Variants in MYO18B observed in about 807,000 individuals in gnomAD.
MYO18B encodes unconventional myosin-XVIIIb.
Under a neutral mutation model 273.0 loss-of-function variants are expected in MYO18B, and 204 were observed. That is an observed-to-expected ratio of 0.75 (90% CI 0.67 to 0.84). The LOEUF is 0.84. Among genes scored for constraint, MYO18B ranks in the 40% least tolerant of loss-of-function variants. MYO18B has a pLI of 0.00. For synonymous variants in MYO18B, 1,330 were observed against 1,305.7 expected (o/e 1.02, Z -0.40); for missense variants, 3,212 against 3,287.6 (o/e 0.98, Z 0.56).
intron 1 of MYO18B, among the ~76,000 whole-genome samples, chr22:25,756,140 T>C (rs934229434): frequency 1.5e-4 from 23 of 152,210 alleles, no homozygotes; most frequent in Admixed American, 1.3e-3. Context: ...GTGATCCGCC[T>C]GCCTCAGCCT....
At chr22:25,851,327 T>A (rs978692632) in intron 20 of MYO18B, 143 bp from the exon 21 acceptor site, 2 of 617,824 alleles carry the variant, frequency 3.2e-6, no homozygotes, top group Non-Finnish European at 5.8e-6. Context: ...GAAACTAAGG[T>A]CCCAAGAGAT....
the MYO18B span, among the ~76,000 whole-genome samples, chr22:26,059,593 G>A: frequency 0.17 from 26,426 of 152,066 alleles, 4,183 homozygotes; most frequent in African/African-American, 0.43. Flanking sequence ...GAAAGAGGAC[G>A]GTGTCTTCCT....
chr22:25,835,215 C>G, intron 16 of MYO18B, 81 bp from the exon 17 acceptor site: 7 of 1,488,154 alleles, frequency 4.7e-6, no homozygotes, highest in Non-Finnish European at 6.3e-6. Context: ...TGCTCTCATT[C>G]CCTATCGGTG....
intron 13 of MYO18B, among the ~76,000 whole-genome samples, chr22:25,824,988 G>A (rs937813932): frequency 3.3e-5 from 5 of 151,518 alleles, no homozygotes; most frequent in Non-Finnish European, 5.9e-5. Context: ...AGATATGCGT[G>A]GCACATGTAT....
chr22:26,029,251 G>A (rs928377982), intron 43 of MYO18B, among the ~76,000 whole-genome samples: 2 of 152,148 alleles, frequency 1.3e-5, no homozygotes, highest in Non-Finnish European at 2.9e-5. Flanking sequence ...ATGGTCCAGC[G>A]ACTGCACATG....
At chr22:25,785,032 A>C (rs2087322452) in intron 10 of MYO18B, among the ~76,000 whole-genome samples, 1 of 152,098 alleles carries the variant, frequency 6.6e-6, no homozygotes, top group African/African-American at 2.4e-5. Flanking sequence ...TGGAAATAAT[A>C]TTTGTACCCA....
intron 11 of MYO18B, among the ~76,000 whole-genome samples, chr22:25,795,992 A>G (rs972655470): frequency 6.6e-6 from 1 of 152,188 alleles, no homozygotes; most frequent in African/African-American, 2.4e-5. Flanking sequence ...TGCAAAATTC[A>G]AAGACTTGCT....
intron 42 of MYO18B, among the ~76,000 whole-genome samples, chr22:26,017,779 A>C (rs1762593351): frequency 6.6e-6 from 1 of 152,188 alleles, no homozygotes; most frequent in African/African-American, 2.4e-5. Context: ...TCTTTTAAGA[A>C]AAATAATAGA....
chr22:25,838,074 G>T (rs1374829816), intron 17 of MYO18B, among the ~76,000 whole-genome samples: 1 of 151,740 alleles, frequency 6.6e-6, no homozygotes, highest in Non-Finnish European at 1.5e-5. Context: ...CCCAGAAAAT[G>T]TTTTAATTTC....
At chr22:25,797,845 TAAAATGACC>T in intron 11 of MYO18B, 99 bp from the exon 12 acceptor site, 1 of 1,495,592 alleles carries the variant, frequency 6.7e-7, no homozygotes, top group Non-Finnish European at 9.3e-7. Flanking sequence ...ATTGTGGCAA[TAAAATGACC>T]CCCGCATTCC....
intron 12 of MYO18B, among the ~76,000 whole-genome samples, chr22:25,805,068 C>A (rs1321008341): frequency 2.0e-5 from 3 of 152,156 alleles, no homozygotes; most frequent in Non-Finnish European, 4.4e-5. Context: ...TCCCTCACTC[C>A]TCATGTACAG....
chr22:26,034,275 CTG>C (rs1389267519), downstream of MYO18B, among the ~76,000 whole-genome samples: 3 of 152,218 alleles, frequency 2.0e-5, no homozygotes, highest in Non-Finnish European at 2.9e-5. Flanking sequence ...TCATCCAAGT[CTG>C]TGACACTACC....
Position 25,895,241 on chromosome 22 carries a change from G to T in MYO18B, c.4629G>T (p.Leu1543=). 1 of 1,607,372 alleles carries T rather than the reference G, an allele frequency of 6.2e-7. No individual in the cohort carries two copies. ...RKRLQQCEER[L]DSELTARKEL... is the part of the protein sequence containing the mutation. The stretch of plus-strand genomic sequence containing the variant: ...GTCTGCAGCAATGCGAGGAGAGGCT[G>T]GACTCGGAGCTGACAGCCAGGAAAG... Residue 1543 remains leucine, a synonymous_variant, in exon 28 of 44, where the codon CTG becomes CTT. Transcript: ENST00000335473.
At chr22:25,964,328 A>G (rs2092953631) in intron 39 of MYO18B, 1 of 152,214 alleles carries the variant, frequency 6.6e-6, no homozygotes, top group Non-Finnish European at 1.5e-5. Flanking sequence ...TTTTATCATT[A>G]AAGAAACTAA....
the MYO18B span, among the ~76,000 whole-genome samples, chr22:26,038,778 C>T: frequency 6.6e-6 from 1 of 152,186 alleles, no homozygotes; most frequent in South Asian, 2.1e-4. Context: ...GACCTTGTAT[C>T]TTATCTTTCC....
At chr22:25,841,084 C>G (rs1479946040) in intron 17 of MYO18B, among the ~76,000 whole-genome samples, 1 of 152,224 alleles carries the variant, frequency 6.6e-6, no homozygotes, top group East Asian at 1.9e-4. Flanking sequence ...TTCCTTACCT[C>G]AGGTACATTT....
intron 30 of MYO18B, chr22:25,903,116 C>G (rs2091971200): frequency 4.5e-6 from 1 of 219,814 alleles, no homozygotes; most frequent in Non-Finnish European, 9.1e-6. Context: ...CACTCAGCTG[C>G]TCCTCATCCT....
intron 11 of MYO18B, among the ~76,000 whole-genome samples, chr22:25,797,086 G>T (rs1325345477): frequency 6.6e-6 from 1 of 152,198 alleles, no homozygotes; most frequent in Non-Finnish European, 1.5e-5. Context: ...AATTAGCTGG[G>T]TGTGGTGGCG....
rs192379299 is a variant in MYO18B at position 25,768,323 on chromosome 22, C to T, written c.407C>T (p.Thr136Ile). Residue 136 changes from threonine to isoleucine, a missense_variant, in exon 4 of 44, where the codon ACA (threonine) becomes ATA (isoleucine). By Grantham distance (89) the Thr-to-Ile change is moderately conservative. Transcript: ENST00000335473. Reference protein sequence around the residue: ...EKAQELGSSATPTKKTVPFKR... With the variant: ...EKAQELGSSAIPTKKTVPFKR... ...GCCCAGGAGCTGGGCTCCAGTGCGACACCAACCAAAAAGACTGTCCCCTTC... is the reference window on the plus strand; with the variant it reads ...GCCCAGGAGCTGGGCTCCAGTGCGATACCAACCAAAAAGACTGTCCCCTTC... The T allele has an allele frequency of 1.1e-4, 173 of 1,613,706 alleles. No individual in the cohort carries two copies. The East Asian group carries it at 3.6e-3, about 33-fold the overall frequency.
Sources: allele counts gnomAD v4.1 joint callset (sites outside exome capture counted in the v4.1 genomes callset), GRCh38; gene constraint gnomAD v4.1.1; transcripts MANE v1.5; gene names NCBI Gene and HGNC (gene_info 2026-07-23, HGNC 2026-07-21).